NTNG1: variants seen among roughly 807,000 people sequenced by gnomAD.
NTNG1 encodes netrin-G1.
A neutral mutation model predicts 54.0 loss-of-function variants in NTNG1; 16 were observed. The ratio of observed to expected loss-of-function variants is 0.30; its 90% CI spans 0.20 to 0.45. The LOEUF is 0.45. NTNG1 is among the 20% of genes least tolerant of loss of function. The pLI is 1.00. For missense variants in NTNG1, 530 were observed against 678.7 expected, an observed-to-expected ratio of 0.78 and a Z score of 2.43; for synonymous variants, 255 against 263.1, an observed-to-expected ratio of 0.97 and a Z score of 0.30.
chr1:107,144,931 T>C (rs1653997600), intron 1 of NTNG1, among the ~76,000 whole-genome samples: 1 of 152,138 alleles, frequency 6.6e-6, no homozygotes, highest in East Asian at 1.9e-4. Context: ...AGTGAAGAGG[T>C]AGAACTGGAG....
rs1478801562 is a variant in NTNG1, at chr1:107,480,613, A to G, written c.1393A>G (p.Asn465Asp). The G allele has an allele frequency of 1.3e-5, 13 of 974,546 alleles. No individual in the cohort carries two copies. The highest frequency in any genetic ancestry group is 1.8e-5 in the African/African-American group (1 of 54,336). 60.4% of individuals were successfully genotyped at this position (974,546 alleles called of 1,614,324 possible). The change falls in exon 8 of 8, where the codon AAT (asparagine) becomes GAT (aspartate). Residue 465 changes from asparagine (N) to aspartate (D), a missense_variant and splice_region_variant. Physicochemically the swap from Asn to Asp is conservative, Grantham distance 23. Transcript: ENST00000370068. Reference sequence around the variant, plus strand: ...CTACCTTCCCCCTCATTCTGCAGCGAATGTCTGCGACAACGAGCTCCTGCA... The same window carrying G: ...CTACCTTCCCCCTCATTCTGCAGCGGATGTCTGCGACAACGAGCTCCTGCA... ...GNSWHYGCQP[N>D]VCDNELLHCQ...
In NTNG1 at chr1:107,324,794, C is replaced by T. The variant is rs765699018; in HGVS notation, c.759C>T (p.Leu253=). The part of the protein sequence containing the change: ...LYGQLDTTKK[L]RDFFTVTDLR... ...GACAGCTGGATACAACCAAGAAACT[C>T]AGAGATTTCTTTACAGTCACAGACC... Residue 253 remains leucine (L), a synonymous_variant, in exon 3 of 8, where the codon CTC becomes CTT. Transcript: ENST00000370068. The T allele has an allele frequency of 6.2e-7, 1 of 1,613,580 alleles. No individual in the cohort carries two copies. Among genetic ancestry groups the T allele is most frequent in the South Asian group, 1.1e-5 (1 of 91,070 alleles).
chr1:107,235,142 G>A (rs1372215156), intron 2 of NTNG1, among the ~76,000 whole-genome samples: 1 of 152,156 alleles, frequency 6.6e-6, no homozygotes. Flanking sequence ...CAATAGGGGA[G>A]CTCAACTCCC....
chr1:107,360,406 G>A (rs1670190452), intron 3 of NTNG1, among the ~76,000 whole-genome samples: 1 of 152,074 alleles, frequency 6.6e-6, no homozygotes, highest in Admixed American at 6.6e-5. Context: ...GAGAAACAGT[G>A]AGTGTAAAGA....
At chr1:107,354,383 C>T (rs931593250) in intron 3 of NTNG1, among the ~76,000 whole-genome samples, 1 of 144,724 alleles carries the variant, frequency 6.9e-6, no homozygotes, top group Non-Finnish European at 1.5e-5. Flanking sequence ...GCAGAAGAAT[C>T]GCTTGAACCC....
chr1:107,158,625 C>T (rs926446706), intron 2 of NTNG1, among the ~76,000 whole-genome samples: 3 of 152,050 alleles, frequency 2.0e-5, no homozygotes, highest in Non-Finnish European at 4.4e-5. Flanking sequence ...CCTGTTGCTC[C>T]CTTTCCTTCT....
At position 107,356,401 on chromosome 1, in the gene NTNG1, G is replaced by A. The variant is rs191484847; in HGVS notation, c.887+31479G>A. 9.9e-5 allele frequency among the ~76,000 whole-genome samples: 15 copies of A among 152,136 alleles called. No individual in the cohort carries two copies. In the East Asian group the frequency reaches 2.9e-3, roughly 30 times the overall value. On this transcript the variant is annotated intron_variant, in intron 3 of 7. Transcript: ENST00000370068. ...CTCCACCTCCCAGGTTCAAGTGATTGTTGTGCCTCAGCCTCCCGAGTAGCT... is the reference window on the plus strand; with the variant it reads ...CTCCACCTCCCAGGTTCAAGTGATTATTGTGCCTCAGCCTCCCGAGTAGCT...
rs1678845896 is a variant in NTNG1 at position 107,483,416 on chromosome 1, T to G, written c.*2576T>G. The G allele has an allele frequency of 6.6e-6, 1 of 152,264 alleles. No homozygotes were observed. The highest frequency in any genetic ancestry group is 6.5e-5 in the Admixed American group (1 of 15,290). 9.4% of individuals were successfully genotyped at this position (152,264 alleles called of 1,614,324 possible). ...TTTAGATATAGTTTTCTGAATTTCCTGAAGCGATGTGATCTGCTTTTAATA... is the reference window on the plus strand; with the variant it reads ...TTTAGATATAGTTTTCTGAATTTCCGGAAGCGATGTGATCTGCTTTTAATA... On this transcript the variant is annotated 3_prime_UTR_variant, in exon 8 of 8. Coordinates refer to ENST00000370068, the MANE Select transcript of NTNG1 (RefSeq NM_001113226.3).
chr1:107,145,163 C>T (rs1308704297), intron 1 of NTNG1, among the ~76,000 whole-genome samples: 1 of 152,064 alleles, frequency 6.6e-6, no homozygotes, highest in African/African-American at 2.4e-5. Flanking sequence ...ATAATTTTAA[C>T]CTGTTTGAAA....
chr1:107,182,664 T>G lies in NTNG1; in HGVS notation c.246+33825T>G, dbSNP rs550851340. Among the ~76,000 whole-genome samples, 3 of 152,284 alleles carry G rather than the reference T, an allele frequency of 2.0e-5. No individual in the cohort carries two copies. In the East Asian group the frequency reaches 5.8e-4, roughly 29 times the overall value. On this transcript the variant is annotated intron_variant, in intron 2 of 7. Transcript: ENST00000370068. ...GGCTTTATTAAATGTCATCTAGTGA[T>G]TCTCTGGGATTTTGAGATTTGAGCT...
chr1:107,433,477 T>C (rs1378061073), intron 6 of NTNG1, among the ~76,000 whole-genome samples: 2 of 152,040 alleles, frequency 1.3e-5, no homozygotes, highest in African/African-American at 2.4e-5. Context: ...ACTCGAGAGG[T>C]AGAGGTTGCA....
chr1:107,275,393 AAAAT>A lies in NTNG1; in HGVS notation c.247-48875_247-48872del. Among the ~76,000 whole-genome samples, 2 of 152,140 alleles carry A rather than the reference AAAAT, an allele frequency of 1.3e-5. 1 individual carries two copies. The highest frequency in any genetic ancestry group is 6.8e-3 in the Middle Eastern group (2 of 294). On this transcript the variant is annotated intron_variant, in intron 2 of 7. Coordinates refer to ENST00000370068, the MANE Select transcript of NTNG1 (RefSeq NM_001113226.3). ...CCGTCTCAAAAAAAATAAATAAATA[AAAAT>A]AAATAAATAAATATAGAGATTTATT...
intron 3 of NTNG1, among the ~76,000 whole-genome samples, chr1:107,351,403 C>A (rs1407385988): frequency 6.6e-6 from 1 of 152,112 alleles, no homozygotes; most frequent in Non-Finnish European, 1.5e-5. Context: ...TCTGGGGAGG[C>A]CTCAGAGAGC....
chr1:107,381,640 G>A (rs1671654630), intron 3 of NTNG1, among the ~76,000 whole-genome samples: 1 of 152,200 alleles, frequency 6.6e-6, no homozygotes, highest in Non-Finnish European at 1.5e-5. Context: ...GATGTACTCT[G>A]TGCTGTAGTC....
At chr1:107,443,107 A>G (rs1676075159) in intron 7 of NTNG1, among the ~76,000 whole-genome samples, 2 of 152,214 alleles carry the variant, frequency 1.3e-5, no homozygotes, top group East Asian at 1.9e-4. Flanking sequence ...GGCCTCTTCA[A>G]CTTCCCAGCT....
chr1:107,426,421 A>G (rs541095638), intron 5 of NTNG1, among the ~76,000 whole-genome samples: 4 of 152,058 alleles, frequency 2.6e-5, no homozygotes, highest in African/African-American at 4.8e-5. Flanking sequence ...TTTATTGAAT[A>G]GGGTGCTTTT....
intron 7 of NTNG1, among the ~76,000 whole-genome samples, chr1:107,475,452 C>A (rs974121247): frequency 6.6e-6 from 1 of 152,184 alleles, no homozygotes; most frequent in African/African-American, 2.4e-5. Context: ...AATTACATAG[C>A]AGGGGTGCTT....
intron 3 of NTNG1, among the ~76,000 whole-genome samples, chr1:107,387,810 A>G (rs1557956314): frequency 6.6e-6 from 1 of 152,198 alleles, no homozygotes. Flanking sequence ...GAGGTGAAAT[A>G]ATGTACATAA....
chr1:107,270,532 A>G (rs1012586650), intron 2 of NTNG1, among the ~76,000 whole-genome samples: 8 of 152,226 alleles, frequency 5.3e-5, no homozygotes, highest in Non-Finnish European at 7.3e-5. Context: ...AACACTCAAT[A>G]CATATTTACC....
Sources: gnomAD v4.1 joint callset for allele counts (sites outside exome capture counted in the v4.1 genomes callset) on GRCh38, gnomAD v4.1.1 for gene constraint, MANE v1.5 for transcripts, NCBI Gene and HGNC (gene_info 2026-07-23, HGNC 2026-07-21) for gene names.